Variants in CRB1 observed in about 807,000 individuals in gnomAD.
CRB1 encodes protein crumbs homolog 1.
CRB1 carries 83 observed loss-of-function variants against 120.0 expected under a neutral mutation model. That is an observed-to-expected ratio of 0.69 (90% CI 0.58 to 0.83). The LOEUF is 0.83. Ranked by LOEUF, CRB1 falls within the 40% of genes least tolerant of loss-of-function variation. CRB1 has a pLI of 0.00. For missense variants in CRB1, 1,699 were observed against 1,687.6 expected (o/e 1.01, Z -0.12); for synonymous variants, 625 against 612.5 (o/e 1.02, Z -0.30).
chr1:197,270,022 A>G (rs941561258), intron 1 of CRB1, among the ~76,000 whole-genome samples: 2 of 152,114 alleles, frequency 1.3e-5, no homozygotes, highest in African/African-American at 4.8e-5. Flanking sequence ...ATTTATTGGC[A>G]AGATATAATC....
At chr1:197,420,884 C>T (rs1388971309) in intron 5 of CRB1, 116 bp from the exon 6 acceptor site, 3 of 756,960 alleles carry the variant, frequency 4.0e-6, no homozygotes, top group Admixed American at 3.7e-5. Flanking sequence ...TACTCCATTA[C>T]AGTCCTAAAC....
At chr1:197,226,093 G>T in the CRB1 span, among the ~76,000 whole-genome samples, 15 of 152,092 alleles carry the variant, frequency 9.9e-5, no homozygotes, top group African/African-American at 2.9e-4. Flanking sequence ...TGGAGATGTG[G>T]AGATGGGGTT....
intron 1 of CRB1, among the ~76,000 whole-genome samples, chr1:197,281,800 A>T (rs1044594805): frequency 1.3e-5 from 2 of 151,980 alleles, no homozygotes; most frequent in African/African-American, 4.8e-5. Context: ...GTATGACTTT[A>T]TCTAAAATAG....
intron 1 of CRB1, among the ~76,000 whole-genome samples, chr1:197,313,021 T>C (rs766899257): frequency 1.3e-4 from 20 of 152,330 alleles, no homozygotes; most frequent in Middle Eastern, 6.8e-3. Context: ...GAGGTTTGAT[T>C]GACTCACAGT....
chr1:197,474,800 C>CT (rs1469407596), intron 11 of CRB1, among the ~76,000 whole-genome samples: 1 of 152,138 alleles, frequency 6.6e-6, no homozygotes, highest in Non-Finnish European at 1.5e-5. Context: ...CATGATTTAC[C>CT]AGACAGATTA....
the CRB1 span, among the ~76,000 whole-genome samples, chr1:197,249,462 A>C: frequency 6.6e-6 from 1 of 151,988 alleles, no homozygotes; most frequent in Non-Finnish European, 1.5e-5. Flanking sequence ...ATATGGTTAG[A>C]GACTAGAAGT....
At chr1:197,424,804 A>T (rs12068782) in intron 6 of CRB1, among the ~76,000 whole-genome samples, 2 of 152,168 alleles carry the variant, frequency 1.3e-5, no homozygotes, top group Non-Finnish European at 2.9e-5. Flanking sequence ...GTATTCCATC[A>T]ATCATTAAAG....
intron 2 of CRB1, among the ~76,000 whole-genome samples, chr1:197,329,744 T>G (rs552417776): frequency 3.3e-5 from 5 of 152,226 alleles, no homozygotes; most frequent in African/African-American, 1.2e-4. Flanking sequence ...CTTTGCTTTA[T>G]TCTTTGGCTT....
chr1:197,337,719 G>GTAT (rs1659235488), intron 2 of CRB1, among the ~76,000 whole-genome samples: 1 of 151,974 alleles, frequency 6.6e-6, no homozygotes, highest in Admixed American at 6.6e-5. Context: ...TTACTTGAAA[G>GTAT]TATTATTTTT....
rs193018591 is a variant in CRB1 at position 197,341,692 on chromosome 1, G to A, written c.653-2589G>A. 6.6e-5 allele frequency among the ~76,000 whole-genome samples: 10 copies of A among 152,142 alleles called. No homozygotes were observed. In the South Asian group the frequency reaches 1.7e-3, roughly 25 times the overall value. On this transcript the variant is annotated intron_variant, in intron 2 of 11. Transcript: ENST00000367400. ...CTACCTATAGTCTCTTCTCAACTACGAATAGATAAACCAAACATTTTTTTT... is the reference window on the plus strand; with the variant it reads ...CTACCTATAGTCTCTTCTCAACTACAAATAGATAAACCAAACATTTTTTTT...
rs147153054 is a variant in CRB1, at chr1:197,340,665, A to G, written c.653-3616A>G. ...CTGATGACTAATTAGGACACGGGGA[A>G]TAGTGGCAAATAAGATGATAACTCC... On this transcript the variant is annotated intron_variant, in intron 2 of 11. Coordinates refer to ENST00000367400, the MANE Select transcript of CRB1 (RefSeq NM_201253.3). Among the ~76,000 whole-genome samples, 92 of 152,204 alleles carry G rather than the reference A, an allele frequency of 6.0e-4. No homozygotes were observed. In the East Asian group the frequency reaches 0.016, roughly 27 times the overall value.
In CRB1 at chr1:197,421,542, G is replaced by A. The variant is rs778049429; in HGVS notation, c.1714G>A (p.Val572Ile). 6.2e-7 allele frequency: 1 copy of A among 1,614,230 alleles called. No homozygotes were observed. Among genetic ancestry groups the A allele is most frequent in the Non-Finnish European group, 8.5e-7 (1 of 1,180,042 alleles). The change falls in exon 6 of 12, where the codon GTA (valine) becomes ATA (isoleucine). Residue 572 changes from valine (V) to isoleucine (I), a missense_variant. Coordinates refer to ENST00000367400, the MANE Select transcript of CRB1 (RefSeq NM_201253.3). ...CGATGGAGAGTGGCATTTCGTGGAG[G>A]TAATATTTGCAGAGGCTGTGACCCT... Reference protein sequence around the residue: ...TSDGEWHFVEVIFAEAVTLTL... With the variant: ...TSDGEWHFVEIIFAEAVTLTL...
At chr1:197,428,783 A>G (rs1211337034) in intron 7 of CRB1, among the ~76,000 whole-genome samples, 1 of 152,226 alleles carries the variant, frequency 6.6e-6, no homozygotes, top group Non-Finnish European at 1.5e-5. Flanking sequence ...GTCCCAATTT[A>G]CATTATTTAC....
the CRB1 span, among the ~76,000 whole-genome samples, chr1:197,224,093 A>G: frequency 6.6e-6 from 1 of 152,066 alleles, no homozygotes; most frequent in Non-Finnish European, 1.5e-5. Flanking sequence ...TGACACGTTA[A>G]TAATAATTCC....
chr1:197,458,181 A>T (rs917255871), intron 11 of CRB1, among the ~76,000 whole-genome samples: 1 of 152,026 alleles, frequency 6.6e-6, no homozygotes, highest in Non-Finnish European at 1.5e-5. Flanking sequence ...GCCCTAAGCA[A>T]TGAGAGCAGA....
At chr1:197,443,717 G>A (rs1378771514) in intron 11 of CRB1, 1 of 151,502 alleles carries the variant, frequency 6.6e-6, no homozygotes, top group East Asian at 1.9e-4. Context: ...ATGTATACCT[G>A]AAATAATGGA....
the CRB1 span, among the ~76,000 whole-genome samples, chr1:197,249,010 T>A: frequency 1.3e-5 from 2 of 151,974 alleles, no homozygotes; most frequent in Non-Finnish European, 2.9e-5. Context: ...GCCACCCAAG[T>A]GTTCTTGCCA....
intron 9 of CRB1, chr1:197,438,261 C>T: frequency 2.8e-6 from 1 of 355,202 alleles, no homozygotes; most frequent in South Asian, 2.5e-5. Context: ...AGTTCTTTTC[C>T]AACCCAAAAT....
chr1:197,439,360 C>CT (rs1170252150), intron 10 of CRB1: 2 of 152,998 alleles, frequency 1.3e-5, no homozygotes, highest in Admixed American at 1.3e-4. Flanking sequence ...AATTGTTAAC[C>CT]TTTTGTTTTA....
Sources: allele counts gnomAD v4.1 joint callset (sites outside exome capture counted in the v4.1 genomes callset), GRCh38; gene constraint gnomAD v4.1.1; transcripts MANE v1.5; gene names NCBI Gene and HGNC (gene_info 2026-07-23, HGNC 2026-07-21).